Variants in FAM228B observed in about 807,000 individuals in gnomAD.
The protein encoded by FAM228B is protein FAM228B.
In FAM228B, 38 loss-of-function variants were observed where a neutral mutation model predicts 42.6. The ratio of observed to expected loss-of-function variants is 0.89; its 90% CI spans 0.69 to 1.17. FAM228B has a LOEUF of 1.17. Among genes scored for constraint, FAM228B ranks in the 50% most tolerant of loss-of-function variants. FAM228B has a pLI of 0.00. For synonymous variants in FAM228B, 109 were observed against 122.3 expected (o/e 0.89, Z 0.72); for missense variants, 344 against 367.3 (o/e 0.94, Z 0.52).
At chr2:24,120,248 G>A (rs1227329305), upstream of FAM228B, among the ~76,000 whole-genome samples, 3 of 149,766 alleles carry the variant, frequency 2.0e-5, no homozygotes, top group South Asian at 2.1e-4. Context: ...CAGCCTGGGC[G>A]ACAAAAGTGA....
chr2:24,166,722 G>C (rs1667424710), intron 9 of FAM228B, among the ~76,000 whole-genome samples: 1 of 152,064 alleles, frequency 6.6e-6, no homozygotes, highest in Non-Finnish European at 1.5e-5. Flanking sequence ...GTGGGAGAGT[G>C]GGGGACGAAT....
intron 3 of FAM228B, among the ~76,000 whole-genome samples, chr2:24,103,633 G>T (rs530150425): frequency 1.3e-5 from 2 of 152,312 alleles, no homozygotes; most frequent in African/African-American, 4.8e-5. Context: ...TATGAAAAAG[G>T]CTCCCACTAG....
At chr2:24,090,370 G>A (rs369646000) in intron 2 of FAM228B, among the ~76,000 whole-genome samples, 101 of 152,064 alleles carry the variant, frequency 6.6e-4, no homozygotes, top group African/African-American at 2.3e-3. Context: ...GAACAGTTGA[G>A]GTCAGGAGTT....
At chr2:24,124,024 G>A (rs1666228607) in intron 1 of FAM228B, 3 of 191,676 alleles carry the variant, frequency 1.6e-5, no homozygotes, top group Non-Finnish European at 3.2e-5. Flanking sequence ...GAAAAGTGTT[G>A]CAAATGGGAC....
At chr2:24,142,539 A>G (rs1292706741) in intron 5 of FAM228B, 1 of 152,248 alleles carries the variant, frequency 6.6e-6, no homozygotes, top group Non-Finnish European at 1.5e-5. Context: ...CTTCTGCTGC[A>G]TACTGAAATA....
At chr2:24,114,827 G>T (rs917959147) in intron 3 of FAM228B, among the ~76,000 whole-genome samples, 3 of 152,198 alleles carry the variant, frequency 2.0e-5, no homozygotes, top group Non-Finnish European at 4.4e-5. Context: ...AAGAGGAGAT[G>T]AACTCTTTCT....
chr2:24,140,782 T>C (rs1666723268), intron 5 of FAM228B, among the ~76,000 whole-genome samples: 2 of 151,556 alleles, frequency 1.3e-5, no homozygotes, highest in African/African-American at 4.8e-5. Flanking sequence ...GCCAACATGG[T>C]GAAATCCTGT....
At chr2:24,136,932 C>T (rs1362504097) in intron 3 of FAM228B, among the ~76,000 whole-genome samples, 3 of 152,262 alleles carry the variant, frequency 2.0e-5, no homozygotes, top group Admixed American at 6.5e-5. Flanking sequence ...TCATTTCTCC[C>T]TCCCCCAGGC....
At chr2:24,120,834 G>T (rs563390274), upstream of FAM228B, among the ~76,000 whole-genome samples, 2 of 151,982 alleles carry the variant, frequency 1.3e-5, no homozygotes, top group African/African-American at 4.8e-5. Context: ...ACTGTGCCTG[G>T]CCACTGAGAA....
At chr2:24,107,628 T>C (rs1434938823) in intron 3 of FAM228B, among the ~76,000 whole-genome samples, 1 of 152,124 alleles carries the variant, frequency 6.6e-6, no homozygotes, top group Non-Finnish European at 1.5e-5. Context: ...AAGAAAATCA[T>C]TGAAATCACA....
intron 3 of FAM228B, among the ~76,000 whole-genome samples, chr2:24,112,453 A>G (rs1484119430): frequency 6.6e-6 from 1 of 152,010 alleles, no homozygotes; most frequent in African/African-American, 2.4e-5. Context: ...GGCACCTGCT[A>G]TGACGCCCAG....
chr2:24,117,513 G>A (rs185388148), intron 3 of FAM228B, among the ~76,000 whole-genome samples: 14 of 151,366 alleles, frequency 9.2e-5, no homozygotes, highest in African/African-American at 3.4e-4. Context: ...CGCTATTTTG[G>A]CTCACTGCAA....
intron 5 of FAM228B, among the ~76,000 whole-genome samples, chr2:24,145,828 A>G (rs745486387): frequency 1.1e-4 from 16 of 150,460 alleles, no homozygotes; most frequent in Admixed American, 4.7e-4. Flanking sequence ...AGCTGGGACT[A>G]TAGGCGCCCG....
At chr2:24,153,427 G>A (rs1238496372) in intron 7 of FAM228B, among the ~76,000 whole-genome samples, 1 of 152,140 alleles carries the variant, frequency 6.6e-6, no homozygotes. Flanking sequence ...GCCAGGGTTG[G>A]GTCCTTCCCT....
chr2:24,127,905 C>G (rs530209143), intron 2 of FAM228B, among the ~76,000 whole-genome samples: 2 of 152,112 alleles, frequency 1.3e-5, no homozygotes, highest in Non-Finnish European at 2.9e-5. Context: ...TCAAGTGATC[C>G]GCCTGCCTTG....
chr2:24,088,680 C>T (rs537407303), intron 2 of FAM228B, among the ~76,000 whole-genome samples: 7 of 152,312 alleles, frequency 4.6e-5, no homozygotes, highest in Admixed American at 2.0e-4. Flanking sequence ...AACTAGTAAA[C>T]GTAAGTGTTT....
intron 2 of FAM228B, among the ~76,000 whole-genome samples, chr2:24,132,471 T>G (rs1041539112): frequency 2.9e-5 from 4 of 137,436 alleles, no homozygotes; most frequent in Non-Finnish European, 6.3e-5. Context: ...ATTGTTTTTT[T>G]TTTTTTTTTT....
rs923192472 is a variant in FAM228B, at chr2:24,083,104, G to A, written c.-210+2149G>A. ...TCTGCCACATGTCCAGATGCCTCAA[G>A]TCCCAAAATGTTGCTGGCTCCTGGA... On this transcript the variant is annotated intron_variant, in intron 2 of 10. Transcript: ENST00000613899. 8 of 1,613,810 alleles carry A rather than the reference G, an allele frequency of 5.0e-6. No homozygotes were observed. The highest frequency in any genetic ancestry group is 2.2e-5 in the South Asian group (2 of 91,056).
chr2:24,138,937 C>T (rs1666671723), intron 4 of FAM228B, among the ~76,000 whole-genome samples: 2 of 136,860 alleles, frequency 1.5e-5, no homozygotes, highest in South Asian at 2.6e-4. Context: ...TGGAGCAAGA[C>T]TCTGTCTCAA....
Sources: gnomAD v4.1 joint callset for allele counts (sites outside exome capture counted in the v4.1 genomes callset) on GRCh38, gnomAD v4.1.1 for gene constraint, MANE v1.5 for transcripts, NCBI Gene and HGNC (gene_info 2026-07-23, HGNC 2026-07-21) for gene names.